Variants in SLC35F1 observed in about 807,000 individuals in gnomAD.
SLC35F1 encodes the protein solute carrier family 35 member F1.
In SLC35F1, 14 loss-of-function variants were observed where a neutral mutation model predicts 48.7. That is an observed-to-expected ratio of 0.29 (90% CI 0.19 to 0.45). The LOEUF (loss-of-function observed/expected upper bound fraction) is 0.45, where lower values mean the gene tolerates loss of function less well. SLC35F1 is among the 20% of genes least tolerant of loss of function. The probability of loss-of-function intolerance (pLI) is 1.00; values close to 1 mark genes in which losing one functional copy is unlikely to be tolerated. For synonymous variants in SLC35F1, 190 were observed against 202.2 expected, an observed-to-expected ratio of 0.94 and a Z score of 0.51; for missense variants, 404 against 500.0, an observed-to-expected ratio of 0.81 and a Z score of 1.83.
intron 1 of SLC35F1, among the ~76,000 whole-genome samples, chr6:118,111,870 A>G (rs557084227): frequency 6.6e-6 from 1 of 152,278 alleles, no homozygotes; most frequent in African/African-American, 2.4e-5. Flanking sequence ...TTGGAATCAG[A>G]GCGATTCCAT....
In SLC35F1 at chr6:117,923,707, G is replaced by A. The variant is rs12207863; in HGVS notation, c.173+15808G>A. 4.2e-4 allele frequency among the ~76,000 whole-genome samples: 24 copies of A among 57,232 alleles called. 6 individuals are homozygous for A. The highest frequency in any genetic ancestry group is 1.5e-3 in the African/African-American group (22 of 14,274). 37.5% of individuals were successfully genotyped at this position (57,232 alleles called of 152,430 possible). A position where few individuals can be genotyped will look rare whatever the true frequency, so the allele number is the denominator to read the frequency against. On this transcript the variant is annotated intron_variant, in intron 1 of 7. Coordinates refer to ENST00000360388, the MANE Select transcript of SLC35F1 (RefSeq NM_001029858.4). ...TATACATATGTACATATACATATATGTACATATATACATATATACATATGT... is the reference window on the plus strand; with the variant it reads ...TATACATATGTACATATACATATATATACATATATACATATATACATATGT...
At chr6:118,038,721 A>G (rs1308055128) in intron 1 of SLC35F1, among the ~76,000 whole-genome samples, 2 of 152,118 alleles carry the variant, frequency 1.3e-5, no homozygotes, top group East Asian at 3.9e-4. Flanking sequence ...TCCTGGAGTC[A>G]AGTGTGTCTT....
intron 2 of SLC35F1, among the ~76,000 whole-genome samples, chr6:118,217,770 A>G (rs1045066123): frequency 5.3e-5 from 8 of 152,190 alleles, no homozygotes; most frequent in Non-Finnish European, 1.2e-4. Context: ...TCAAAAATAT[A>G]AAAGTGTCAT....
At position 118,039,890 on chromosome 6, in the gene SLC35F1, AGACTTTGGGT is replaced by A. The variant is rs1772190333; in HGVS notation, c.174-114554_174-114545del. Among the ~76,000 whole-genome samples the A allele has an allele frequency of 6.3e-5, 9 of 142,814 alleles. No homozygotes were observed. The Admixed American group carries it at 6.9e-4, about 11-fold the overall frequency. 93.7% of individuals were successfully genotyped at this position (142,814 alleles called of 152,430 possible). A position where few individuals can be genotyped will look rare whatever the true frequency, so the allele number is the denominator to read the frequency against. On this transcript the variant is annotated intron_variant, in intron 1 of 7. Transcript: ENST00000360388. ...CTGGACACTAAATGTTATGTTATAT[AGACTTTGGGT>A]TCTGTTATAATCTTCTGAAGAATGT...
At chr6:118,011,755 G>A (rs188792020) in intron 1 of SLC35F1, among the ~76,000 whole-genome samples, 96 of 152,312 alleles carry the variant, frequency 6.3e-4, no homozygotes, top group African/African-American at 2.2e-3. Flanking sequence ...ACCAGTACCA[G>A]TTCATGGCTT....
At chr6:117,924,696 A>G (rs1400857634) in intron 1 of SLC35F1, among the ~76,000 whole-genome samples, 1 of 152,096 alleles carries the variant, frequency 6.6e-6, no homozygotes, top group African/African-American at 2.4e-5. Flanking sequence ...TCTCTCGAGT[A>G]TATGTTGCTT....
In SLC35F1 at chr6:117,923,669, A is replaced by G. The variant is rs867195534; in HGVS notation, c.173+15770A>G. ...TACATATGTACATATGTATATATAC[A>G]TATATGTACATATATACATATGTAC... On this transcript the variant is annotated intron_variant, in intron 1 of 7. Coordinates refer to ENST00000360388, the MANE Select transcript of SLC35F1 (RefSeq NM_001029858.4). Among the ~76,000 whole-genome samples the G allele has an allele frequency of 1.5e-3, 74 of 49,294 alleles. 10 individuals carry two copies. Among genetic ancestry groups the G allele is most frequent in the Non-Finnish European group, 1.7e-3 (49 of 29,364 alleles). The allele number at this position is 49,294 out of a possible 152,430, so 32.3% of individuals were successfully genotyped here.
chr6:118,198,273 A>G (rs946799087), intron 2 of SLC35F1, among the ~76,000 whole-genome samples: 5 of 152,230 alleles, frequency 3.3e-5, no homozygotes, highest in Middle Eastern at 3.2e-3. Flanking sequence ...CAGATATGCC[A>G]GTTTCTCTTT....
chr6:118,285,394 A>G (rs1012743544), intron 7 of SLC35F1, 56 bp downstream of exon 7: 2 of 1,588,288 alleles, frequency 1.3e-6, no homozygotes, highest in Middle Eastern at 1.7e-4. Context: ...AACAATGAAC[A>G]TGGGTAGGAA....
intron 7 of SLC35F1, among the ~76,000 whole-genome samples, chr6:118,286,881 A>G (rs181103899): frequency 3.2e-4 from 49 of 152,034 alleles, no homozygotes; most frequent in African/African-American, 1.1e-3. Flanking sequence ...ACTAACTATC[A>G]TCACCATGCT....
intron 1 of SLC35F1, among the ~76,000 whole-genome samples, chr6:117,973,856 C>T (rs1776674169): frequency 6.6e-6 from 1 of 152,112 alleles, no homozygotes; most frequent in Non-Finnish European, 1.5e-5. Flanking sequence ...TTTTTTAGTC[C>T]AATAGTCAGA....
At chr6:118,150,742 A>T (rs1462188453) in intron 1 of SLC35F1, among the ~76,000 whole-genome samples, 3 of 152,248 alleles carry the variant, frequency 2.0e-5, no homozygotes, top group Non-Finnish European at 4.4e-5. Context: ...CAGTGATAGG[A>T]TAAGCTAAAT....
chr6:118,147,182 AAG>A (rs1202563064), intron 1 of SLC35F1, among the ~76,000 whole-genome samples: 1 of 152,120 alleles, frequency 6.6e-6, no homozygotes, highest in Non-Finnish European at 1.5e-5. Flanking sequence ...GTAGAGGAAA[AAG>A]AGGGAAGAAT....
chr6:118,286,775 C>CTGTGTGTGTG (rs372641234), intron 7 of SLC35F1, among the ~76,000 whole-genome samples: 3 of 143,682 alleles, frequency 2.1e-5, no homozygotes, highest in Middle Eastern at 3.5e-3. Flanking sequence ...TACCTTTTTT[C>CTGTGTGTGTG]TGTGTGTGTG....
intron 2 of SLC35F1, among the ~76,000 whole-genome samples, chr6:118,220,189 C>A (rs1226763678): frequency 6.6e-6 from 1 of 151,810 alleles, no homozygotes; most frequent in African/African-American, 2.4e-5. Flanking sequence ...AAAAATAAAT[C>A]AAATATTTTT....
At position 118,267,071 on chromosome 6, in the gene SLC35F1, A is replaced by G; in HGVS notation, c.554A>G (p.His185Arg). Reference sequence around the variant, plus strand: ...CTGCTGATCCGGTACAAGGCTGTGCATTTCATCGGCATCGTTGTCTGCATC... The same window carrying G: ...CTGCTGATCCGGTACAAGGCTGTGCGTTTCATCGGCATCGTTGTCTGCATC... ...FFLLIRYKAV[H>R]FIGIVVCILG... Residue 185 changes from histidine (H) to arginine (R), a missense_variant, in exon 4 of 8, where the codon CAT becomes CGT. Around this residue, in one of 2 missense-constraint regions of SLC35F1, gnomAD observed 306 missense variants for 419.1 expected, o/e 0.73. Coordinates refer to ENST00000360388, the MANE Select transcript of SLC35F1 (RefSeq NM_001029858.4). The G allele has an allele frequency of 6.2e-7, 1 of 1,613,900 alleles. No individual in the cohort carries two copies. Among genetic ancestry groups the G allele is most frequent in the Non-Finnish European group, 8.5e-7 (1 of 1,179,904 alleles).
At chr6:118,074,448 C>G (rs1772789364) in intron 1 of SLC35F1, among the ~76,000 whole-genome samples, 1 of 152,196 alleles carries the variant, frequency 6.6e-6, no homozygotes, top group South Asian at 2.1e-4. Flanking sequence ...CACATTTCAC[C>G]TCTATGTGAC....
At chr6:118,061,531 G>A (rs921677351) in intron 1 of SLC35F1, among the ~76,000 whole-genome samples, 25 of 150,186 alleles carry the variant, frequency 1.7e-4, no homozygotes, top group Admixed American at 1.7e-3. Flanking sequence ...ATAGCTGTAG[G>A]TATAAACATA....
chr6:117,939,137 C>A (rs1007323577), intron 1 of SLC35F1, among the ~76,000 whole-genome samples: 1 of 151,406 alleles, frequency 6.6e-6, no homozygotes. Flanking sequence ...GTAGCTGTGA[C>A]TACAGGCACG....
Sources: allele counts gnomAD v4.1 joint callset (sites outside exome capture counted in the v4.1 genomes callset), GRCh38; gene constraint gnomAD v4.1.1; regional missense constraint gnomAD v4.1.1; transcripts MANE v1.5; gene names NCBI Gene and HGNC (gene_info 2026-07-23, HGNC 2026-07-21).